PTK2: variants seen among roughly 807,000 people sequenced by gnomAD.
PTK2 encodes the protein protein tyrosine kinase 2.
Under a neutral mutation model 150.1 loss-of-function variants are expected in PTK2, and 45 were observed. That is an observed-to-expected ratio of 0.30 (90% CI 0.24 to 0.38). The LOEUF is 0.38. Among genes scored for constraint, PTK2 ranks in the 10% least tolerant of loss-of-function variants. The pLI, the probability that PTK2 is intolerant of heterozygous loss-of-function variation, is 1.00. For missense variants in PTK2, 919 were observed against 1,307.3 expected (o/e 0.70, Z 4.58); for synonymous variants, 432 against 449.2 (o/e 0.96, Z 0.48).
At chr8:140,770,001 C>T (rs1353348698) in intron 14 of PTK2, among the ~76,000 whole-genome samples, 1 of 152,170 alleles carries the variant, frequency 6.6e-6, no homozygotes, top group Non-Finnish European at 1.5e-5. Context: ...AGTCATTAAT[C>T]TGTATGTTTA....
intron 12 of PTK2, among the ~76,000 whole-genome samples, chr8:140,795,200 G>C (rs1367466749): frequency 6.6e-6 from 1 of 152,118 alleles, no homozygotes; most frequent in Non-Finnish European, 1.5e-5. Context: ...TCTATTCTCA[G>C]CACAGCAGCC....
At chr8:140,854,095 T>C (rs2100131052) in intron 5 of PTK2, among the ~76,000 whole-genome samples, 1 of 152,350 alleles carries the variant, frequency 6.6e-6, no homozygotes, top group Middle Eastern at 3.4e-3. Context: ...TTCTATACCA[T>C]AGAGTTAAGT....
intron 10 of PTK2, among the ~76,000 whole-genome samples, chr8:140,817,130 G>C (rs1010541917): frequency 1.3e-5 from 2 of 152,170 alleles, no homozygotes; most frequent in African/African-American, 4.8e-5. Flanking sequence ...CAGGTTCACA[G>C]AGTGAAATAA....
At chr8:140,892,546 T>C in intron 2 of PTK2, 1 of 420,362 alleles carries the variant, frequency 2.4e-6, no homozygotes, top group South Asian at 1.8e-5. Flanking sequence ...CTCCCCACTA[T>C]CTGTCCAGCA....
intron 7 of PTK2, among the ~76,000 whole-genome samples, chr8:140,834,037 C>T (rs1410896454): frequency 6.6e-6 from 1 of 152,218 alleles, no homozygotes; most frequent in African/African-American, 2.4e-5. Context: ...AACTGCAATG[C>T]TCATCACATT....
At chr8:140,931,907 T>C (rs115598840) in intron 1 of PTK2, among the ~76,000 whole-genome samples, 2,805 of 119,538 alleles carry the variant, frequency 0.023, 99 homozygotes, top group African/African-American at 0.085. Context: ...CACTCCAGCC[T>C]GGGCGACAGA....
intron 1 of PTK2, among the ~76,000 whole-genome samples, chr8:140,978,944 T>C (rs1421131223): frequency 2.0e-5 from 3 of 151,296 alleles, no homozygotes; most frequent in Admixed American, 6.6e-5. Flanking sequence ...AAAGGATGAG[T>C]TCATGTCCTT....
intron 20 of PTK2, among the ~76,000 whole-genome samples, chr8:140,740,593 G>C (rs867286122): frequency 1.3e-5 from 2 of 152,202 alleles, no homozygotes; most frequent in African/African-American, 4.8e-5. Context: ...ACCTTTCTGA[G>C]AAGATATCTG....
At chr8:140,821,195 A>G (rs2100108346) in intron 8 of PTK2, 1 of 152,284 alleles carries the variant, frequency 6.6e-6, no homozygotes, top group Non-Finnish European at 1.5e-5. Context: ...ATGAGCCAAG[A>G]TAGTGGAACA....
intron 29 of PTK2, 191 bp downstream of exon 32, chr8:140,674,107 T>C: frequency 1.3e-6 from 1 of 745,660 alleles, no homozygotes; most frequent in Non-Finnish European, 2.5e-6. Context: ...AATGTTTGCA[T>C]AAAGCTTTTC....
intron 1 of PTK2, among the ~76,000 whole-genome samples, chr8:140,963,448 T>A (rs1224811858): frequency 6.6e-6 from 1 of 152,138 alleles, no homozygotes; most frequent in Non-Finnish European, 1.5e-5. Context: ...CTCTTTCACC[T>A]CACTTATCTC....
At chr8:140,983,726 A>AAGGG (rs571083666) in intron 1 of PTK2, 3 of 141,848 alleles carry the variant, frequency 2.1e-5, no homozygotes, top group Non-Finnish European at 4.6e-5. Flanking sequence ...GGGAGAGAAG[A>AAGGG]AGGGAGGGAG....
chr8:140,675,675 A>G (rs13278258), intron 27 of PTK2, 176 bp from the exon 31 acceptor site: 251,205 of 570,624 alleles, frequency 0.44, 58,263 homozygotes, highest in Middle Eastern at 0.5. Flanking sequence ...CAGGCAAATA[A>G]GCAAATGATG....
chr8:140,698,829 G>A (rs2100028428), intron 26 of PTK2, among the ~76,000 whole-genome samples: 1 of 152,000 alleles, frequency 6.6e-6, no homozygotes. Context: ...TGGCCAGGCT[G>A]GTCTCGAACT....
chr8:140,785,793 ATTTAAT>A, intron 14 of PTK2, among the ~76,000 whole-genome samples: 1 of 152,232 alleles, frequency 6.6e-6, no homozygotes, highest in East Asian at 1.9e-4. Flanking sequence ...ACCTTTCTGA[ATTTAAT>A]TCTTCATATC....
chr8:140,838,239 G>A (rs1215844102), intron 7 of PTK2, among the ~76,000 whole-genome samples: 2 of 152,186 alleles, frequency 1.3e-5, no homozygotes, highest in Non-Finnish European at 2.9e-5. Context: ...GCAGTATTCT[G>A]TATTCATGTA....
intron 29 of PTK2, chr8:140,674,095 A>G (rs779138252): frequency 8.2e-6 from 6 of 731,464 alleles, no homozygotes; most frequent in Non-Finnish European, 1.5e-5. Flanking sequence ...AATGGAAAAG[A>G]AAATGTTTGC....
At chr8:140,661,239 A>G (rs2079409777) in intron 31 of PTK2, among the ~76,000 whole-genome samples, 1 of 152,228 alleles carries the variant, frequency 6.6e-6, no homozygotes, top group African/African-American at 2.4e-5. Flanking sequence ...GATATTCTAG[A>G]AAGATGGCTC....
Position 140,762,359 on chromosome 8 carries a change from TC to T in PTK2, c.1235-1098del. 8.5e-7 allele frequency: 1 copy of T among 1,175,050 alleles called. No individual in the cohort carries two copies. The highest frequency in any genetic ancestry group is 3.9e-5 in the Admixed American group (1 of 25,474). 72.8% of individuals were successfully genotyped at this position (1,175,050 alleles called of 1,614,324 possible). On this transcript the variant is annotated intron_variant, in intron 15 of 31. Coordinates refer to ENST00000522684, the Ensembl canonical transcript of PTK2. ...AGCAAATGCAGTTAATTTAAAGGAA[TC>T]CTGTTACCTTCATCTATTCCATAGC...
Sources: gnomAD v4.1 joint callset for allele counts (sites outside exome capture counted in the v4.1 genomes callset) on GRCh38, gnomAD v4.1.1 for gene constraint, MANE v1.5 for transcripts, NCBI Gene and HGNC (gene_info 2026-07-23, HGNC 2026-07-21) for gene names.